Variants in NKTR observed in about 807,000 individuals in gnomAD.
NKTR encodes NK-tumor recognition protein.
In NKTR, 67 loss-of-function variants were observed where a neutral mutation model predicts 156.3. The ratio of observed to expected loss-of-function variants is 0.43; its 90% CI spans 0.35 to 0.53. The LOEUF (loss-of-function observed/expected upper bound fraction) is 0.53, where lower values mean the gene tolerates loss of function less well. Among genes scored for constraint, NKTR ranks in the 20% least tolerant of loss-of-function variants. NKTR has a pLI of 0.01. For synonymous variants in NKTR, 640 were observed against 596.6 expected, an observed-to-expected ratio of 1.07 and a Z score of -1.06; for missense variants, 1,604 against 1,730.9, an observed-to-expected ratio of 0.93 and a Z score of 1.30.
intron 2 of NKTR, among the ~76,000 whole-genome samples, chr3:42,612,779 GTCT>G (rs1706967322): frequency 2.6e-5 from 4 of 152,180 alleles, no homozygotes; most frequent in East Asian, 3.9e-4. Context: ...TCTGAAGCTG[GTCT>G]TCTTTCTTTT....
chr3:42,612,671 A>G (rs1287847825), intron 2 of NKTR, among the ~76,000 whole-genome samples: 2 of 152,194 alleles, frequency 1.3e-5, no homozygotes, highest in Non-Finnish European at 2.9e-5. Flanking sequence ...TCAGGATAAA[A>G]TGTATTTCCT....
chr3:42,637,509 C>A lies in NKTR; in HGVS notation c.1805C>A (p.Ala602Glu). 1.2e-6 allele frequency: 2 copies of A among 1,614,012 alleles called. No individual in the cohort carries two copies. Among genetic ancestry groups the A allele is most frequent in the Non-Finnish European group, 1.7e-6 (2 of 1,179,994 alleles). Residue 602 changes from alanine (A) to glutamate (E), a missense_variant, in exon 13 of 17, where the codon GCA (alanine) becomes GAA (glutamate). Coordinates refer to ENST00000232978, the MANE Select transcript of NKTR (RefSeq NM_005385.4). ...AATGTAGTAGTACAACCAGTTGTAG[C>A]AGAAAATATTCCTGTAATACCACTG... ...NENVVVQPVV[A>E]ENIPVIPLSD...
intron 2 of NKTR, among the ~76,000 whole-genome samples, chr3:42,603,383 AAACAGCTT>A (rs1348384385): frequency 1.7e-4 from 25 of 150,814 alleles, no homozygotes; most frequent in African/African-American, 5.6e-4. Context: ...AAAAAAAAAA[AAACAGCTT>A]AAGAAAAAGT....
chr3:42,626,241 G>A (rs1366620433), intron 6 of NKTR, among the ~76,000 whole-genome samples: 1 of 149,358 alleles, frequency 6.7e-6, no homozygotes, highest in East Asian at 1.9e-4. Context: ...ACTTATTCAT[G>A]TTGTCAATGC....
chr3:42,642,778 A>T (rs1364330263), intron 14 of NKTR, among the ~76,000 whole-genome samples, 182 bp downstream of exon 14: 1 of 152,154 alleles, frequency 6.6e-6, no homozygotes. Flanking sequence ...CTCTGTTGGG[A>T]TCTTATCAGA....
chr3:42,643,892 G>A lies in NKTR; in HGVS notation c.4200-10G>A, dbSNP rs754767997. On this transcript the variant is annotated splice_polypyrimidine_tract_variant and intron_variant, in intron 15 of 16. Transcript: ENST00000232978. ...GGAAAATTTAGTGTTTGTTGTTGCC[G>A]TTAAAGCAGGTCCTACACCTACGAT... 5.0e-6 allele frequency: 8 copies of A among 1,604,348 alleles called. No individual in the cohort carries two copies. Among genetic ancestry groups the A allele is most frequent in the South Asian group, 2.2e-5 (2 of 90,578 alleles).
Position 42,638,209 on chromosome 3 carries a change from T to C in NKTR, c.2505T>C (p.His835=), listed in dbSNP as rs760241657. Residue 835 remains histidine, a synonymous_variant, in exon 13 of 17, where the codon CAT becomes CAC. Transcript: ENST00000232978. ...KEKQGQMERT[H]NKQEKNRGEE... is the part of the protein sequence containing the mutation. Reference sequence around the variant, plus strand: ...AGCAGGGCCAAATGGAAAGAACACATAATAAACAAGAAAAAAACAGAGGTG... The same window carrying C: ...AGCAGGGCCAAATGGAAAGAACACACAATAAACAAGAAAAAAACAGAGGTG... The C allele has an allele frequency of 1.9e-6, 3 of 1,613,064 alleles. No individual in the cohort carries two copies. Among genetic ancestry groups the C allele is most frequent in the South Asian group, 2.2e-5 (2 of 90,950 alleles).
chr3:42,629,105 GT>G, intron 6 of NKTR: 1 of 970,852 alleles, frequency 1.0e-6, no homozygotes, highest in Non-Finnish European at 1.2e-6. Flanking sequence ...CTTTGGTAAA[GT>G]TTTATAATTA....
rs1705377683 is a variant in NKTR at position 42,601,102 on chromosome 3, C to A, written c.58+38C>A. The A allele has an allele frequency of 3.3e-6, 5 of 1,514,030 alleles. No individual in the cohort carries two copies. The East Asian group carries it at 1.1e-4, about 32-fold the overall frequency. 93.8% of individuals were successfully genotyped at this position (1,514,030 alleles called of 1,614,324 possible). On this transcript the variant is annotated intron_variant, in intron 2 of 16. Coordinates refer to ENST00000232978, the MANE Select transcript of NKTR (RefSeq NM_005385.4). ...CTGGGGAGCGCTGCTGGGGCCGAGG[C>A]CTGCCTTGGCGAAGGGGAGGGGTCT...
At chr3:42,616,302 G>A (rs1296107780) in intron 2 of NKTR, among the ~76,000 whole-genome samples, 1 of 152,200 alleles carries the variant, frequency 6.6e-6, no homozygotes, top group African/African-American at 2.4e-5. Flanking sequence ...AGGAACTGAA[G>A]AGTAATTAAT....
In NKTR at chr3:42,619,645, A is replaced by C. The variant is rs770814918; in HGVS notation, c.242-19A>C. On this transcript the variant is annotated intron_variant, in intron 4 of 16. Coordinates refer to ENST00000232978, the MANE Select transcript of NKTR (RefSeq NM_005385.4). ...ATTTTTAATGTTCATTATGGCTTAA[A>C]GTAGGTGATTATTTGCAGGTAATGG... The C allele has an allele frequency of 6.2e-7, 1 of 1,605,704 alleles. No homozygotes were observed. Among genetic ancestry groups the C allele is most frequent in the Admixed American group, 1.7e-5 (1 of 59,430 alleles).
intron 2 of NKTR, among the ~76,000 whole-genome samples, chr3:42,615,758 TAAGCC>T (rs1707299698): frequency 6.6e-6 from 1 of 152,218 alleles, no homozygotes; most frequent in Non-Finnish European, 1.5e-5. Flanking sequence ...TGACACCAGC[TAAGCC>T]ATTTCCCAGA....
chr3:42,605,912 A>G (rs1034100137), intron 2 of NKTR, among the ~76,000 whole-genome samples: 1 of 152,252 alleles, frequency 6.6e-6, no homozygotes, highest in Non-Finnish European at 1.5e-5. Flanking sequence ...GTATTAGAGT[A>G]ACATGAACTT....
intron 6 of NKTR, chr3:42,628,983 CAG>C (rs895173126): frequency 5.2e-5 from 28 of 535,386 alleles, no homozygotes; most frequent in Non-Finnish European, 6.7e-5. Flanking sequence ...GCCTGGGCAA[CAG>C]AGTGAGACTC....
intron 6 of NKTR, among the ~76,000 whole-genome samples, chr3:42,621,876 A>T (rs1707933919): frequency 6.6e-6 from 1 of 151,976 alleles, no homozygotes; most frequent in Non-Finnish European, 1.5e-5. Flanking sequence ...TTCATAGACG[A>T]GTATTCAGTT....
intron 6 of NKTR, chr3:42,627,206 T>A: frequency 7.1e-6 from 7 of 984,300 alleles, no homozygotes; most frequent in Non-Finnish European, 7.2e-6. Flanking sequence ...ACAGAAAGAG[T>A]GTTACACCGT....
chr3:42,617,761 A>T (rs1404759927), intron 3 of NKTR, 117 bp downstream of exon 3: 4 of 583,648 alleles, frequency 6.9e-6, no homozygotes, highest in African/African-American at 2.0e-5. Flanking sequence ...GTGAATTAAA[A>T]AAAAAAAAGA....
rs1408450372 is a variant in NKTR at position 42,635,264 on chromosome 3, A to G, written c.1061A>G (p.Asp354Gly). Reference protein sequence around the residue: ...PPRSRSCSESDDDDSSETPPH... With the variant: ...PPRSRSCSESGDDDSSETPPH... ...AGATCAAGATCCTGTTCTGAGTCAGATGATGATGACAGCAGTGAAACTCCT... is the reference window on the plus strand; with the variant it reads ...AGATCAAGATCCTGTTCTGAGTCAGGTGATGATGACAGCAGTGAAACTCCT... Residue 354 changes from aspartate to glycine, a missense_variant, in exon 12 of 17, where the codon GAT (aspartate) becomes GGT (glycine). Physicochemically the swap from Asp to Gly is moderately conservative, Grantham distance 94 (BLOSUM62 -1). Transcript: ENST00000232978. 6.2e-7 allele frequency: 1 copy of G among 1,613,830 alleles called. No homozygotes were observed. Among genetic ancestry groups the G allele is most frequent in the Admixed American group, 1.7e-5 (1 of 60,004 alleles).
chr3:42,643,776 A>G (rs1011268362), intron 15 of NKTR, 126 bp from the exon 16 acceptor site: 12 of 699,034 alleles, frequency 1.7e-5, no homozygotes, highest in Middle Eastern at 2.4e-4. Flanking sequence ...TTTTGGAAAT[A>G]TATCCTCATG....
Sources: gnomAD v4.1 joint callset for allele counts (sites outside exome capture counted in the v4.1 genomes callset) on GRCh38, gnomAD v4.1.1 for gene constraint, MANE v1.5 for transcripts, NCBI Gene and HGNC (gene_info 2026-07-23, HGNC 2026-07-21) for gene names.